IL12RB1: variants seen among roughly 807,000 people sequenced by gnomAD.
The protein encoded by IL12RB1 is interleukin-12 receptor subunit beta-1.
A neutral mutation model predicts 94.4 loss-of-function variants in IL12RB1; 64 were observed. The ratio of observed to expected loss-of-function variants is 0.68; its 90% confidence interval spans 0.55 to 0.83. The LOEUF is 0.83. IL12RB1 is among the 40% of genes least tolerant of loss of function. IL12RB1 has a pLI of 0.00. For synonymous variants in IL12RB1, 362 were observed against 355.5 expected (o/e 1.02, Z -0.21); for missense variants, 814 against 855.6 (o/e 0.95, Z 0.61).
At chr19:18,085,371 T>C (rs2036260408) in intron 1 of IL12RB1, among the ~76,000 whole-genome samples, 1 of 93,844 alleles carries the variant, frequency 1.1e-5, no homozygotes, top group Non-Finnish European at 2.0e-5. Flanking sequence ...CTAAAGCCCA[T>C]CCTCCTTCCC....
chr19:18,082,140 G>C lies in IL12RB1; in HGVS notation c.239+10C>G, dbSNP rs2035958728. ...GGGTGAGGGTTTGGGAATGGTAGAG[G>C]GGTCCTCACCAACACCGCAGGAAGT... is the stretch of plus-strand genomic sequence containing the variant. On this transcript the variant is annotated intron_variant, in intron 3 of 16. Coordinates refer to ENST00000593993, the MANE Select transcript of IL12RB1 (RefSeq NM_005535.3). 6.5e-7 allele frequency: 1 copy of C among 1,531,044 alleles called. No homozygotes were observed. The highest frequency in any genetic ancestry group is 1.1e-5 in the South Asian group (1 of 89,274). 94.8% of individuals were successfully genotyped at this position (1,531,044 alleles called of 1,614,324 possible). A position where few individuals can be genotyped will look rare whatever the true frequency, so the allele number is the denominator to read the frequency against.
At chr19:18,083,743 C>CCCAT (rs146292111) in intron 1 of IL12RB1, among the ~76,000 whole-genome samples, 19,837 of 147,912 alleles carry the variant, frequency 0.13, 1,382 homozygotes, top group East Asian at 0.19. Flanking sequence ...CATCCATTCA[C>CCCAT]CCATCCATCC....
intron 1 of IL12RB1, among the ~76,000 whole-genome samples, chr19:18,085,282 T>G (rs1373968613): frequency 6.6e-6 from 1 of 151,930 alleles, no homozygotes; most frequent in Non-Finnish European, 1.5e-5. Flanking sequence ...GAAAGATGCT[T>G]AACACACAAG....
At chr19:18,061,392 GGCTAA>G (rs2034117384) in intron 14 of IL12RB1, among the ~76,000 whole-genome samples, 195 bp from the exon 15 acceptor site, 1 of 152,044 alleles carries the variant, frequency 6.6e-6, no homozygotes, top group Admixed American at 6.6e-5. Flanking sequence ...CACCACACCC[GGCTAA>G]TTTTTGTAGT....
chr19:18,062,859 C>A (rs2034251488), intron 13 of IL12RB1, among the ~76,000 whole-genome samples: 2 of 151,882 alleles, frequency 1.3e-5, no homozygotes, highest in Admixed American at 6.6e-5. Flanking sequence ...GCCTGCCCCC[C>A]ACCAACCCTG....
intron 9 of IL12RB1, chr19:18,071,448 AG>A (rs1431439208): frequency 1.2e-5 from 6 of 514,954 alleles, no homozygotes; most frequent in Non-Finnish European, 1.9e-5. Flanking sequence ...TCTATCAACC[AG>A]GGTGGAGCGC....
At chr19:18,077,783 C>G in intron 4 of IL12RB1, 128 bp from the exon 5 acceptor site, 1 of 719,348 alleles carries the variant, frequency 1.4e-6, no homozygotes, top group Admixed American at 1.9e-5. Flanking sequence ...ACTTGCAGGT[C>G]CCAGCTAAGC....
At chr19:18,066,491 G>T in intron 12 of IL12RB1, 51 bp downstream of exon 12, 1 of 1,337,014 alleles carries the variant, frequency 7.5e-7, no homozygotes, top group South Asian at 1.2e-5. Context: ...AGAGATCACA[G>T]GCCAGGATCC....
intron 1 of IL12RB1, among the ~76,000 whole-genome samples, chr19:18,095,650 A>T (rs1447294086): frequency 6.6e-6 from 1 of 152,194 alleles, no homozygotes; most frequent in Admixed American, 6.6e-5. Flanking sequence ...AATTTATTGC[A>T]CACTTTAAAA....
chr19:18,062,268 AC>A lies in IL12RB1; in HGVS notation c.1627del (p.Val543PhefsTer15). ...QPQRFSIEVQ[V>X]SDWLIFFASL... ...GGCGAAGAAGATGAGCCAATCAGAAACCTGCACTTCTGAGGTGGGAGAGCGT... is the reference window on the plus strand; with the variant it reads ...GGCGAAGAAGATGAGCCAATCAGAAACTGCACTTCTGAGGTGGGAGAGCGT... On this transcript the variant is annotated frameshift_variant, in exon 14 of 17. Coordinates refer to ENST00000593993, the MANE Select transcript of IL12RB1 (RefSeq NM_005535.3). LOFTEE classifies it high-confidence loss of function. The A allele has an allele frequency of 1.2e-6, 2 of 1,609,724 alleles. No homozygotes were observed. Among genetic ancestry groups the A allele is most frequent in the Non-Finnish European group, 1.7e-6 (2 of 1,176,976 alleles).
chr19:18,083,951 TCACC>T (rs2036113390), intron 1 of IL12RB1, among the ~76,000 whole-genome samples: 1 of 123,408 alleles, frequency 8.1e-6, no homozygotes, highest in African/African-American at 3.3e-5. Context: ...ATCCACCCAT[TCACC>T]CATCCATCCA....
intron 8 of IL12RB1, among the ~76,000 whole-genome samples, chr19:18,072,651 A>C (rs1450135645): frequency 6.6e-6 from 1 of 152,078 alleles, no homozygotes; most frequent in Non-Finnish European, 1.5e-5. Context: ...TTTTCCTTAG[A>C]AAAGGAATTT....
chr19:18,074,331 C>G (rs1259020673), intron 7 of IL12RB1, among the ~76,000 whole-genome samples: 2 of 152,058 alleles, frequency 1.3e-5, no homozygotes, highest in Admixed American at 6.6e-5. Flanking sequence ...GGTTTGAAAC[C>G]CTCTCACTCA....
In IL12RB1 at chr19:18,073,546, C is replaced by T; in HGVS notation, c.754G>A (p.Gly252Arg). The T allele has an allele frequency of 1.2e-6, 2 of 1,608,516 alleles. No homozygotes were observed. Among genetic ancestry groups the T allele is most frequent in the Non-Finnish European group, 1.7e-6 (2 of 1,177,382 alleles). The change falls in exon 8 of 17, where the codon GGG becomes AGG. Residue 252 changes from glycine (G) to arginine (R), a missense_variant. Coordinates refer to ENST00000593993, the MANE Select transcript of IL12RB1 (RefSeq NM_005535.3). The stretch of plus-strand genomic sequence containing the variant: ...TCTTTCAGGGTCAGCCGCCTCCTCC[C>T]ATCCTGGCCCAGCTGCTCCACCGAG... ...RFSVEQLGQD[G>R]RRRLTLKEQP...
intron 2 of IL12RB1, among the ~76,000 whole-genome samples, chr19:18,082,940 G>A (rs1599558771): frequency 1.3e-5 from 2 of 151,964 alleles, no homozygotes; most frequent in South Asian, 2.1e-4. Context: ...AAAATTAGCC[G>A]GGTGTGGTGG....
At chr19:18,082,316 C>T (rs766047454) in intron 2 of IL12RB1, 52 bp from the exon 3 acceptor site, 34 of 1,044,570 alleles carry the variant, frequency 3.3e-5, no homozygotes, top group East Asian at 7.5e-5. Context: ...GAGGGGTCTT[C>T]GTGCCTAAGA....
intron 1 of IL12RB1, among the ~76,000 whole-genome samples, chr19:18,084,063 T>C (rs1447409496): frequency 1.8e-3 from 175 of 95,488 alleles, no homozygotes; most frequent in Middle Eastern, 0.019. Context: ...ATCCACCCAT[T>C]TACCCATCCA....
upstream of IL12RB1, among the ~76,000 whole-genome samples, chr19:18,087,919 T>G (rs1250900721): frequency 6.6e-6 from 1 of 152,046 alleles, no homozygotes; most frequent in African/African-American, 2.4e-5. Context: ...TACAAAGAGC[T>G]TGCAGCATGC....
intron 2 of IL12RB1, chr19:18,083,222 A>C: frequency 1.6e-6 from 1 of 645,152 alleles, no homozygotes. Flanking sequence ...ATGCTAGGGA[A>C]GTGATAATGT....
Sources: gnomAD v4.1 joint callset for allele counts (sites outside exome capture counted in the v4.1 genomes callset) on GRCh38, gnomAD v4.1.1 for gene constraint, MANE v1.5 for transcripts, NCBI Gene and HGNC (gene_info 2026-07-23, HGNC 2026-07-21) for gene names.